ADGB: variants seen among roughly 807,000 people sequenced by gnomAD.
The protein encoded by ADGB is androglobin, also known as calpain-7-like protein.
ADGB carries 172 observed loss-of-function variants against 210.5 expected under a neutral mutation model. The observed-to-expected ratio is 0.82, with a 90% CI of 0.72 to 0.93. The LOEUF (loss-of-function observed/expected upper bound fraction) is 0.93. ADGB is among the 40% of genes least tolerant of loss of function. ADGB has a pLI of 0.00. For synonymous variants in ADGB, 658 were observed against 662.7 expected (o/e 0.99, Z 0.11); for missense variants, 2,025 against 1,964.8 (o/e 1.03, Z -0.58).
Position 146,770,940 on chromosome 6 carries a change from C to G in ADGB, c.3862+1809C>G, listed in dbSNP as rs371940553. Among the ~76,000 whole-genome samples the G allele has an allele frequency of 2.9e-4, 44 of 152,212 alleles. No individual in the cohort carries two copies. In the East Asian group the frequency reaches 5.4e-3, roughly 19 times the overall value. ...AATTTTGCCAAAACATCTGCCCATT[C>G]TACTTCAACCTCCCCTCCTAAAGCC... is the stretch of plus-strand genomic sequence containing the variant. On this transcript the variant is annotated intron_variant, in intron 29 of 35. Transcript: ENST00000397944.
chr6:146,768,950 A>T, intron 28 of ADGB, 70 bp from the exon 29 acceptor site: 1 of 778,380 alleles, frequency 1.3e-6, no homozygotes, highest in South Asian at 2.5e-5. Flanking sequence ...TGTACCTAGC[A>T]TAATAAATGA....
At chr6:146,667,777 T>G (rs997614797) in intron 7 of ADGB, among the ~76,000 whole-genome samples, 2 of 152,034 alleles carry the variant, frequency 1.3e-5, no homozygotes, top group Non-Finnish European at 2.9e-5. Context: ...AAGACAACTA[T>G]TATGCATCAA....
intron 7 of ADGB, among the ~76,000 whole-genome samples, chr6:146,668,420 A>G (rs1181961051): frequency 6.6e-6 from 1 of 152,118 alleles, no homozygotes; most frequent in African/African-American, 2.4e-5. Flanking sequence ...TTGTTCACAT[A>G]AAAGTATTTT....
Position 146,782,006 on chromosome 6 carries a change from T to G in ADGB, c.3863-14T>G. 7.0e-7 allele frequency: 1 copy of G among 1,438,190 alleles called. No homozygotes were observed. Among genetic ancestry groups the G allele is most frequent in the Non-Finnish European group, 9.1e-7 (1 of 1,098,136 alleles). The allele number at this position is 1,438,190 out of a possible 1,614,324, so 89.1% of individuals were successfully genotyped here. On this transcript the variant is annotated splice_polypyrimidine_tract_variant and intron_variant, in intron 29 of 35. Transcript: ENST00000397944. ...TATTATGACTCACCATTTTTTATTT[T>G]TATGTCTCTCTAGCTTATGGTGAAA...
intron 35 of ADGB, among the ~76,000 whole-genome samples, chr6:146,809,693 G>T (rs1285490843): frequency 2.0e-5 from 3 of 152,056 alleles, no homozygotes; most frequent in African/African-American, 7.2e-5. Flanking sequence ...TTTTGACAAG[G>T]ATGCCAAAAA....
intron 33 of ADGB, among the ~76,000 whole-genome samples, chr6:146,793,483 G>T (rs998414469): frequency 6.6e-6 from 1 of 152,174 alleles, no homozygotes; most frequent in Non-Finnish European, 1.5e-5. Context: ...CCAGAGAGGA[G>T]CTCTCTAGGC....
At chr6:146,738,449 T>TC (rs1448323263) in intron 23 of ADGB, among the ~76,000 whole-genome samples, 1 of 121,518 alleles carries the variant, frequency 8.2e-6, no homozygotes, top group Non-Finnish European at 1.6e-5. Flanking sequence ...TTTTTTTTTT[T>TC]TTTTTTTTTT....
chr6:146,650,357 CAGAAA>C (rs1046016157), intron 3 of ADGB, among the ~76,000 whole-genome samples: 1 of 151,646 alleles, frequency 6.6e-6, no homozygotes, highest in Non-Finnish European at 1.5e-5. Flanking sequence ...TCAAAACAGG[CAGAAA>C]AGAAAAGAGA....
chr6:146,755,387 G>T (rs1006864922), intron 27 of ADGB, among the ~76,000 whole-genome samples: 9 of 152,086 alleles, frequency 5.9e-5, no homozygotes, highest in Non-Finnish European at 2.9e-5. Flanking sequence ...CGTGGGAGGT[G>T]ATTAGACCAT....
chr6:146,656,010 C>A (rs138960804), intron 4 of ADGB, among the ~76,000 whole-genome samples: 1 of 151,968 alleles, frequency 6.6e-6, no homozygotes, highest in Non-Finnish European at 1.5e-5. Flanking sequence ...CTAGAGATTT[C>A]TTACATACTG....
intron 35 of ADGB, among the ~76,000 whole-genome samples, chr6:146,813,878 C>T (rs151243740): frequency 0.021 from 3,248 of 152,226 alleles, 43 homozygotes; most frequent in Non-Finnish European, 0.032. Context: ...CAGAGAGAGC[C>T]TGAGTTTTGA....
chr6:146,664,544 A>G (rs1176343894), intron 6 of ADGB: 5 of 467,774 alleles, frequency 1.1e-5, no homozygotes, highest in African/African-American at 1.0e-4. Context: ...AATTCCTCCA[A>G]GAAAAATATA....
intron 12 of ADGB, among the ~76,000 whole-genome samples, chr6:146,694,360 A>T (rs1368322086): frequency 1.3e-5 from 2 of 152,110 alleles, no homozygotes; most frequent in African/African-American, 4.8e-5. Flanking sequence ...ATGGCATCTT[A>T]CCACTGTGTA....
intron 25 of ADGB, among the ~76,000 whole-genome samples, chr6:146,741,695 C>A (rs1052897579): frequency 6.6e-5 from 10 of 152,130 alleles, no homozygotes; most frequent in Admixed American, 5.9e-4. Context: ...AGCCACCAAC[C>A]ATCACCACCT....
intron 33 of ADGB, among the ~76,000 whole-genome samples, chr6:146,796,823 A>C (rs1195197016): frequency 6.6e-6 from 1 of 152,178 alleles, no homozygotes; most frequent in Non-Finnish European, 1.5e-5. Flanking sequence ...CCCAAAAGCA[A>C]ATGCAACAAA....
At chr6:146,670,348 A>T (rs923340660) in intron 7 of ADGB, among the ~76,000 whole-genome samples, 1 of 152,202 alleles carries the variant, frequency 6.6e-6, no homozygotes, top group Non-Finnish European at 1.5e-5. Flanking sequence ...CTCATCACTG[A>T]CCACATCAAT....
intron 27 of ADGB, among the ~76,000 whole-genome samples, chr6:146,760,805 T>C (rs1382771558): frequency 6.6e-6 from 1 of 151,952 alleles, no homozygotes; most frequent in East Asian, 1.9e-4. Context: ...AGCTTATATA[T>C]TGTACTACTT....
Position 146,764,005 on chromosome 6 carries a change from G to A in ADGB, c.3655G>A (p.Ala1219Thr). 1 of 1,551,496 alleles carries A rather than the reference G, an allele frequency of 6.4e-7. No individual in the cohort carries two copies. The highest frequency in any genetic ancestry group is 1.2e-5 in the South Asian group (1 of 84,056). The change falls in exon 28 of 36, where the codon GCT (alanine) becomes ACT (threonine). Residue 1219 changes from alanine (A) to threonine (T), a missense_variant. Physicochemically the swap from Ala to Thr is moderately conservative, Grantham distance 58 (BLOSUM62 0). Coordinates refer to ENST00000397944, the MANE Select transcript of ADGB (RefSeq NM_024694.4). ...AATTCAGAAATCCCCCAAGGGTAGA[G>A]CTGTAAGTGCAATACAAGACATTGG... ...QGIQKSPKGRAVSAIQDIGLP... is the reference protein window; with the variant it reads ...QGIQKSPKGRTVSAIQDIGLP...
chr6:146,805,694 C>A (rs1374696303), intron 35 of ADGB, among the ~76,000 whole-genome samples: 3 of 152,126 alleles, frequency 2.0e-5, no homozygotes, highest in Non-Finnish European at 4.4e-5. Context: ...CTGGAATATT[C>A]TTTCCCCAAA....
Sources: allele counts gnomAD v4.1 joint callset (sites outside exome capture counted in the v4.1 genomes callset), GRCh38; gene constraint gnomAD v4.1.1; transcripts MANE v1.5; gene names NCBI Gene and HGNC (gene_info 2026-07-23, HGNC 2026-07-21).